SH3GL3: variants seen among roughly 807,000 people sequenced by gnomAD.
SH3GL3 encodes SH3 domain containing GRB2 like 3, endophilin A3, also known as endophilin-A3.
In SH3GL3, 33 loss-of-function variants were observed where a neutral mutation model predicts 47.7. The ratio of observed to expected loss-of-function variants is 0.69; its 90% CI spans 0.52 to 0.92. SH3GL3 has a LOEUF of 0.92. Among genes scored for constraint, SH3GL3 ranks in the 40% least tolerant of loss-of-function variants. The pLI is 0.00. For synonymous variants in SH3GL3, 155 were observed against 148.8 expected, an observed-to-expected ratio of 1.04 and a Z score of -0.30; for missense variants, 363 against 417.8, an observed-to-expected ratio of 0.87 and a Z score of 1.14.
intron 8 of SH3GL3, among the ~76,000 whole-genome samples, chr15:83,596,336 G>A (rs944583698): frequency 6.6e-6 from 1 of 152,174 alleles, no homozygotes; most frequent in Non-Finnish European, 1.5e-5. Flanking sequence ...TGAAAAGAAT[G>A]TGTATTCTAT....
chr15:83,508,318 A>T (rs2042599887), intron 1 of SH3GL3, among the ~76,000 whole-genome samples: 1 of 152,100 alleles, frequency 6.6e-6, no homozygotes, highest in Non-Finnish European at 1.5e-5. Flanking sequence ...GGAGGTAAGG[A>T]CGCCGGCTAT....
chr15:83,609,169 G>T (rs915948531), intron 8 of SH3GL3: 1 of 435,896 alleles, frequency 2.3e-6, no homozygotes, highest in Admixed American at 2.5e-5. Flanking sequence ...GATTAAATTA[G>T]ATCTTGTGAA....
intron 1 of SH3GL3, among the ~76,000 whole-genome samples, chr15:83,458,646 A>G (rs182445043): frequency 2.1e-4 from 32 of 152,158 alleles, no homozygotes; most frequent in African/African-American, 7.2e-4. Context: ...GGGTCTTGTG[A>G]GCTCATATGT....
chr15:83,538,147 A>C (rs1339644831), intron 1 of SH3GL3, among the ~76,000 whole-genome samples: 1 of 152,150 alleles, frequency 6.6e-6, no homozygotes, highest in Admixed American at 6.5e-5. Context: ...ATAGGTTATT[A>C]GACTCTGTAT....
chr15:83,559,594 C>T (rs569823941), intron 2 of SH3GL3, among the ~76,000 whole-genome samples: 4 of 152,278 alleles, frequency 2.6e-5, no homozygotes, highest in East Asian at 1.9e-4. Context: ...AAAAGATGGG[C>T]AATCTTGGCA....
chr15:83,479,936 A>C (rs145537972), intron 1 of SH3GL3, among the ~76,000 whole-genome samples: 1 of 152,350 alleles, frequency 6.6e-6, no homozygotes, highest in Non-Finnish European at 1.5e-5. Context: ...TGATATGTGT[A>C]AGGCACTTGG....
chr15:83,580,977 G>A (rs1037902175), intron 6 of SH3GL3, among the ~76,000 whole-genome samples: 1 of 152,228 alleles, frequency 6.6e-6, no homozygotes, highest in Non-Finnish European at 1.5e-5. Context: ...GAAATCCTCT[G>A]AGATGGGTGT....
chr15:83,626,029 C>T, the SH3GL3 span, among the ~76,000 whole-genome samples: 194 of 152,294 alleles, frequency 1.3e-3, no homozygotes, highest in African/African-American at 4.0e-3. Flanking sequence ...GACGGGGTTT[C>T]GCCATGTTGG....
At position 83,448,442 on chromosome 15, in the gene SH3GL3, A is replaced by ATGTGTGTGTGTGTGTG. The variant is rs71156081; in HGVS notation, c.45+888_45+903dup. Among the ~76,000 whole-genome samples the ATGTGTGTGTGTGTGTG allele has an allele frequency of 8.5e-3, 1,191 of 140,712 alleles. 26 individuals are homozygous for ATGTGTGTGTGTGTGTG. Among genetic ancestry groups the ATGTGTGTGTGTGTGTG allele is most frequent in the African/African-American group, 0.027 (981 of 36,386 alleles). 92.3% of individuals were successfully genotyped at this position (140,712 alleles called of 152,430 possible). A position where few individuals can be genotyped will look rare whatever the true frequency, so the allele number is the denominator to read the frequency against. On this transcript the variant is annotated intron_variant, in intron 1 of 8. Coordinates refer to ENST00000427482, the MANE Select transcript of SH3GL3 (RefSeq NM_003027.5). The surrounding 1 kb of genome is among the most constrained non-coding windows in gnomAD (Gnocchi z 4.2). ...AAACAGGAGGGGAGACATGAAATTG[A>ATGTGTGTGTGTGTGTG]TGTGTGTGTGTGTGTGTGTGTGTGT...
intron 8 of SH3GL3, among the ~76,000 whole-genome samples, 172 bp from the exon 9 acceptor site, chr15:83,617,910 G>A (rs1380412154): frequency 6.6e-6 from 1 of 152,162 alleles, no homozygotes; most frequent in Non-Finnish European, 1.5e-5. Context: ...AGCTGGGAGA[G>A]CTGAGGCAGC....
At chr15:83,613,685 G>C (rs940271670) in intron 8 of SH3GL3, among the ~76,000 whole-genome samples, 5 of 151,348 alleles carry the variant, frequency 3.3e-5, no homozygotes, top group Admixed American at 3.3e-4. Context: ...CATTAGCCCT[G>C]TAATCAGTGT....
intron 1 of SH3GL3, among the ~76,000 whole-genome samples, chr15:83,487,286 C>T (rs1281760358): frequency 1.3e-5 from 2 of 149,712 alleles, no homozygotes; most frequent in East Asian, 2.0e-4. Flanking sequence ...CTAGTTCAGT[C>T]GTCCCATCTT....
At position 83,618,220 on chromosome 15, in the gene SH3GL3, T is replaced by A. The variant is rs2151855296; in HGVS notation, c.977T>A (p.Met326Lys). The A allele has an allele frequency of 6.2e-7, 1 of 1,611,626 alleles. No homozygotes were observed. Among genetic ancestry groups the A allele is most frequent in the Non-Finnish European group, 8.5e-7 (1 of 1,177,634 alleles). The change falls in exon 9 of 9, where the codon ATG (methionine) becomes AAG (lysine). Residue 326 changes from methionine to lysine, a missense_variant. By Grantham distance (95) the Met-to-Lys change is moderately conservative. Coordinates refer to ENST00000427482, the MANE Select transcript of SH3GL3 (RefSeq NM_003027.5). Reference sequence around the variant, plus strand: ...ATAGATGAAAACTGGTATGAAGGAATGATACACGGAGAATCGGGATTCTTC... The same window carrying A: ...ATAGATGAAAACTGGTATGAAGGAAAGATACACGGAGAATCGGGATTCTTC... ...NQIDENWYEG[M>K]IHGESGFFPI...
At chr15:83,500,107 G>T (rs139404624) in intron 1 of SH3GL3, among the ~76,000 whole-genome samples, 205 of 152,244 alleles carry the variant, frequency 1.3e-3, no homozygotes, top group Non-Finnish European at 2.4e-3. Flanking sequence ...CATTCTGGAA[G>T]GTGCACTCAC....
In SH3GL3 at chr15:83,448,637, A is replaced by G. The variant is rs962264749; in HGVS notation, c.45+1059A>G. Among the ~76,000 whole-genome samples the G allele has an allele frequency of 2.6e-5, 4 of 152,104 alleles. No individual in the cohort carries two copies. The highest frequency in any genetic ancestry group is 9.7e-5 in the African/African-American group (4 of 41,408). On this transcript the variant is annotated intron_variant, in intron 1 of 8. Transcript: ENST00000427482. This position sits in a 1 kb window ranked among gnomAD's most constrained non-coding sequence, Gnocchi z 4.2. ...CCCCAGCCCCCATTTTGCTAGAGCC[A>G]GGGTAGACAGATTTCATTCAACGTC... is the stretch of plus-strand genomic sequence containing the variant.
chr15:83,540,792 C>T (rs1482308369), intron 1 of SH3GL3, among the ~76,000 whole-genome samples: 1 of 152,098 alleles, frequency 6.6e-6, no homozygotes, highest in African/African-American at 2.4e-5. Flanking sequence ...TATGAACATT[C>T]TAATTGTACT....
At chr15:83,629,038 T>G in the SH3GL3 span, among the ~76,000 whole-genome samples, 56 of 152,282 alleles carry the variant, frequency 3.7e-4, no homozygotes, top group Non-Finnish European at 7.1e-4. Context: ...ATAAAGTATT[T>G]TAACAAAAGA....
intron 1 of SH3GL3, 103 bp from the exon 2 acceptor site, chr15:83,559,150 C>T: frequency 1.4e-6 from 1 of 692,282 alleles, no homozygotes; most frequent in Non-Finnish European, 2.5e-6. Flanking sequence ...AAAAATCCAA[C>T]AAGTTGAATC....
At chr15:83,564,053 A>C (rs761133987) in intron 2 of SH3GL3, among the ~76,000 whole-genome samples, 3 of 152,140 alleles carry the variant, frequency 2.0e-5, no homozygotes, top group Non-Finnish European at 4.4e-5. Context: ...CGGAGTCAGA[A>C]TTTTGGTCTT....
Sources: allele counts gnomAD v4.1 joint callset (sites outside exome capture counted in the v4.1 genomes callset), GRCh38; gene constraint gnomAD v4.1.1; non-coding constraint Gnocchi (gnomAD v3.1); transcripts MANE v1.5; gene names NCBI Gene and HGNC (gene_info 2026-07-23, HGNC 2026-07-21).